Variants in THRB observed in about 807,000 individuals in gnomAD.
THRB encodes the protein nuclear receptor subfamily 1 group A member 2.
THRB carries 12 observed loss-of-function variants against 47.8 expected under a neutral mutation model. The observed-to-expected ratio is 0.25, with a 90% CI of 0.16 to 0.41. The LOEUF (loss-of-function observed/expected upper bound fraction) is 0.41, where lower values mean the gene tolerates loss of function less well. Ranked by LOEUF, THRB falls within the 10% of genes least tolerant of loss-of-function variation. The pLI is 1.00. For synonymous variants in THRB, 218 were observed against 212.2 expected, an observed-to-expected ratio of 1.03 and a Z score of -0.24; for missense variants, 348 against 589.2, an observed-to-expected ratio of 0.59 and a Z score of 4.24.
At position 24,398,603 on chromosome 3, in the gene THRB, A is replaced by T. The variant is rs189384653; in HGVS notation, c.-260-61232T>A. On this transcript the variant is annotated intron_variant, in intron 1 of 10. Transcript: ENST00000646209. ...ACAGGTGCTGGAGAGGATGTGGAGA[A>T]AAAGGAAGACTTTTACACTGTTGGT... Among the ~76,000 whole-genome samples the T allele has an allele frequency of 5.2e-3, 789 of 152,314 alleles. 10 individuals carry two copies. Among genetic ancestry groups the T allele is most frequent in the African/African-American group, 0.018 (731 of 41,580 alleles).
At chr3:24,291,197 G>C (rs1026901670) in intron 3 of THRB, among the ~76,000 whole-genome samples, 2 of 152,152 alleles carry the variant, frequency 1.3e-5, no homozygotes, top group South Asian at 4.1e-4. Context: ...TTGTAATTTG[G>C]ATTTAGTAAA....
chr3:24,286,904 G>A (rs1045301197), intron 3 of THRB, among the ~76,000 whole-genome samples: 1 of 152,162 alleles, frequency 6.6e-6, no homozygotes, highest in African/African-American at 2.4e-5. Context: ...ACACGAGAGT[G>A]GGGCTTAAAA....
At chr3:24,234,244 T>C (rs577830569) in intron 3 of THRB, among the ~76,000 whole-genome samples, 1 of 152,318 alleles carries the variant, frequency 6.6e-6, no homozygotes, top group South Asian at 2.1e-4. Flanking sequence ...CCATTTGGTA[T>C]ATATTTTCAG....
intron 8 of THRB, among the ~76,000 whole-genome samples, chr3:24,133,920 G>A (rs920727319): frequency 3.9e-5 from 6 of 152,148 alleles, no homozygotes; most frequent in African/African-American, 9.7e-5. Context: ...AGCAAACAGC[G>A]CCCTGTGGAT....
chr3:24,212,735 G>T (rs961604600), intron 4 of THRB, among the ~76,000 whole-genome samples: 1 of 152,126 alleles, frequency 6.6e-6, no homozygotes, highest in African/African-American at 2.4e-5. Flanking sequence ...CTGCTTTCCA[G>T]ATAGTACAGG....
At chr3:24,153,693 C>A (rs28735166) in intron 5 of THRB, among the ~76,000 whole-genome samples, 578 of 152,214 alleles carry the variant, frequency 3.8e-3, no homozygotes, top group African/African-American at 0.013. Flanking sequence ...GTTCATTCTC[C>A]CCTCTATCAA....
chr3:24,190,426 T>G, intron 4 of THRB, 92 bp from the exon 5 acceptor site: 1 of 1,512,714 alleles, frequency 6.6e-7, no homozygotes, highest in Non-Finnish European at 9.2e-7. Context: ...TGTTTCTCAA[T>G]TCTTTTGGGC....
intron 1 of THRB, among the ~76,000 whole-genome samples, chr3:24,489,231 ACT>A (rs1370865807): frequency 6.6e-6 from 1 of 151,018 alleles, no homozygotes; most frequent in East Asian, 2.0e-4. Flanking sequence ...ACAGAGCAAG[ACT>A]CTGTCGCAAA....
chr3:24,277,865 A>T (rs115716015), intron 3 of THRB, among the ~76,000 whole-genome samples: 1 of 152,210 alleles, frequency 6.6e-6, no homozygotes, highest in African/African-American at 2.4e-5. Flanking sequence ...TGTTACAATA[A>T]ATCAGCCCTT....
intron 4 of THRB, among the ~76,000 whole-genome samples, chr3:24,203,445 A>G (rs902590404): frequency 1.3e-5 from 2 of 152,116 alleles, no homozygotes; most frequent in African/African-American, 4.8e-5. Context: ...GTCTAAATGA[A>G]TAGGGTTGTC....
chr3:24,268,157 T>C (rs1329269857), intron 3 of THRB, among the ~76,000 whole-genome samples: 2 of 152,050 alleles, frequency 1.3e-5, no homozygotes, highest in Admixed American at 1.3e-4. Flanking sequence ...ACATGCATTC[T>C]CAAAAATGGA....
intron 8 of THRB, among the ~76,000 whole-genome samples, chr3:24,138,144 C>G (rs2034939402): frequency 6.6e-6 from 1 of 152,104 alleles, no homozygotes; most frequent in Non-Finnish European, 1.5e-5. Context: ...ACGCTGCCAG[C>G]TGACCTCTGC....
chr3:24,269,181 A>T (rs1420575797), intron 3 of THRB, among the ~76,000 whole-genome samples: 1 of 152,184 alleles, frequency 6.6e-6, no homozygotes, highest in East Asian at 1.9e-4. Context: ...CAGAAACATA[A>T]TACAAATGGG....
At chr3:24,336,512 A>G (rs901684411) in intron 2 of THRB, among the ~76,000 whole-genome samples, 5 of 152,244 alleles carry the variant, frequency 3.3e-5, no homozygotes, top group Admixed American at 6.5e-5. Flanking sequence ...CCTTATATGC[A>G]GAGATAAACT....
intron 4 of THRB, among the ~76,000 whole-genome samples, chr3:24,206,872 C>G (rs536390773): frequency 2.6e-5 from 4 of 152,310 alleles, no homozygotes; most frequent in African/African-American, 9.6e-5. Context: ...ATAAAAACCT[C>G]TACACAAATA....
intron 5 of THRB, among the ~76,000 whole-genome samples, chr3:24,159,545 T>C (rs1220497599): frequency 6.6e-6 from 1 of 152,224 alleles, no homozygotes; most frequent in Non-Finnish European, 1.5e-5. Context: ...TTAAATATGA[T>C]ATTTGGAAAT....
chr3:24,433,232 C>G (rs545450334), intron 1 of THRB, among the ~76,000 whole-genome samples: 22 of 152,118 alleles, frequency 1.4e-4, no homozygotes, highest in Admixed American at 7.2e-4. Context: ...TCCCTGGAAC[C>G]TGTGAATATG....
At chr3:24,466,857 A>G (rs555499360) in intron 1 of THRB, among the ~76,000 whole-genome samples, 1 of 152,332 alleles carries the variant, frequency 6.6e-6, no homozygotes, top group African/African-American at 2.4e-5. Flanking sequence ...CTAACTGATC[A>G]GGGTGATGGT....
At chr3:24,407,457 C>T (rs2067923369) in intron 1 of THRB, among the ~76,000 whole-genome samples, 1 of 151,782 alleles carries the variant, frequency 6.6e-6, no homozygotes, top group African/African-American at 2.4e-5. Flanking sequence ...TGACACTGCA[C>T]TTCTTTATGA....
Sources: gnomAD v4.1 joint callset for allele counts (sites outside exome capture counted in the v4.1 genomes callset) on GRCh38, gnomAD v4.1.1 for gene constraint, MANE v1.5 for transcripts, NCBI Gene and HGNC (gene_info 2026-07-23, HGNC 2026-07-21) for gene names.